Variants in ATP11A observed in about 807,000 individuals in gnomAD.
ATP11A encodes the protein phospholipid-transporting ATPase IH.
In ATP11A, 81 loss-of-function variants were observed where a neutral mutation model predicts 154.4. The ratio of observed to expected loss-of-function variants is 0.52; its 90% CI spans 0.44 to 0.63. ATP11A has a LOEUF of 0.63. Ranked by LOEUF, ATP11A falls within the 30% of genes least tolerant of loss-of-function variation. ATP11A has a pLI of 0.00. For synonymous variants in ATP11A, 623 were observed against 585.9 expected (o/e 1.06, Z -0.91); for missense variants, 1,316 against 1,474.3 (o/e 0.89, Z 1.76).
chr13:112,707,579 T>C (rs995385533), intron 1 of ATP11A, among the ~76,000 whole-genome samples: 1 of 152,108 alleles, frequency 6.6e-6, no homozygotes, highest in Non-Finnish European at 1.5e-5. Context: ...AAGAACTCAA[T>C]GTAGCCATTC....
Position 112,875,852 on chromosome 13 carries a change from G to T in ATP11A, c.3238G>T (p.Val1080Leu). 1 of 1,613,896 alleles carries T rather than the reference G, an allele frequency of 6.2e-7. No homozygotes were observed. The highest frequency in any genetic ancestry group is 8.5e-7 in the Non-Finnish European group (1 of 1,180,030). The change falls in exon 28 of 30, where the codon GTG (valine) becomes TTG (leucine). Residue 1080 changes from valine (V) to leucine (L), a missense_variant. Val to Leu is a conservative substitution (Grantham distance 32, BLOSUM62 1). Coordinates refer to ENST00000375645, the MANE Select transcript of ATP11A (RefSeq NM_015205.3). This position sits in a 1 kb window ranked among gnomAD's most constrained non-coding sequence, Gnocchi z 4.1. ...CAGCGGGCCCGCCTGGCTGGCCATC[G>T]TGCTGCTGGTGACCATCAGCCTCCT... ...LSSGPAWLAIVLLVTISLLPD... is the reference protein window; with the variant it reads ...LSSGPAWLAILLLVTISLLPD...
In ATP11A at chr13:112,857,749, C is replaced by A. The variant is rs1005503285; in HGVS notation, c.2419-69C>A. Reference sequence around the variant, plus strand: ...TAACTTTTCATCTTTGTTATTTCTGCCTAGTGAATGAATAACCTGTTCAGA... The same window carrying A: ...TAACTTTTCATCTTTGTTATTTCTGACTAGTGAATGAATAACCTGTTCAGA... On this transcript the variant is annotated intron_variant, in intron 20 of 29. Transcript: ENST00000375645. 4.8e-6 allele frequency: 6 copies of A among 1,239,798 alleles called. No homozygotes were observed. In the Admixed American group the frequency reaches 7.4e-5, roughly 15 times the overall value. 76.8% of individuals were successfully genotyped at this position (1,239,798 alleles called of 1,614,324 possible).
At chr13:112,881,530 G>A in intron 29 of ATP11A, 4 of 1,132,636 alleles carry the variant, frequency 3.5e-6, no homozygotes, top group Non-Finnish European at 4.4e-6. Flanking sequence ...TATCCCTGGG[G>A]CCCCTGGGTT....
At chr13:112,872,869 CTGTGGCTTTGTCTCCCGAACGGTGTGAGG>C (rs2080570393) in intron 26 of ATP11A, among the ~76,000 whole-genome samples, 2 of 30,724 alleles carry the variant, frequency 6.5e-5, no homozygotes, top group African/African-American at 1.5e-4. Context: ...GCAGTGTGAG[CTGTGGCTTTGTCTCCCGAACGGTGTGAGG>C]TGTGGCTTTG....
At position 112,859,317 on chromosome 13, in the gene ATP11A, G is replaced by C. The variant is rs1263438941; in HGVS notation, c.2668-76G>C. On this transcript the variant is annotated intron_variant, in intron 22 of 29. Transcript: ENST00000375645. The surrounding 1 kb of genome is among the most constrained non-coding windows in gnomAD (Gnocchi z 4.3). ...CACGTGGATCCCTCCTCCCATGTGGGGTGGGCCACGTCGGTAGGTGGCGGC... is the reference window on the plus strand; with the variant it reads ...CACGTGGATCCCTCCTCCCATGTGGCGTGGGCCACGTCGGTAGGTGGCGGC... 2 of 1,193,262 alleles carry C rather than the reference G, an allele frequency of 1.7e-6. No individual in the cohort carries two copies. The highest frequency in any genetic ancestry group is 3.0e-5 in the African/African-American group (2 of 66,090). The allele number at this position is 1,193,262 out of a possible 1,614,324, so 73.9% of individuals were successfully genotyped here.
intron 2 of ATP11A, among the ~76,000 whole-genome samples, chr13:112,790,255 G>A (rs1011231063): frequency 6.6e-6 from 1 of 151,248 alleles, no homozygotes; most frequent in Admixed American, 6.6e-5. Flanking sequence ...ATTCACACCC[G>A]GCATCTTGAC....
intron 5 of ATP11A, 24 bp downstream of exon 5, chr13:112,810,750 C>A: frequency 1.2e-6 from 2 of 1,600,202 alleles, no homozygotes; most frequent in Non-Finnish European, 1.7e-6. Context: ...GACACATTTA[C>A]GCTGGTGAAG....
intron 1 of ATP11A, among the ~76,000 whole-genome samples, chr13:112,722,329 A>G (rs1889301365): frequency 6.6e-6 from 1 of 151,318 alleles, no homozygotes. Context: ...CGGCCAGGGG[A>G]GAGGGTTTCC....
In ATP11A at chr13:112,858,310, C is replaced by T. The variant is rs1245736395; in HGVS notation, c.2667+20C>T. The T allele has an allele frequency of 3.1e-6, 5 of 1,599,718 alleles. No homozygotes were observed. Among genetic ancestry groups the T allele is most frequent in the African/African-American group, 1.3e-5 (1 of 74,660 alleles). On this transcript the variant is annotated intron_variant, in intron 22 of 29. Coordinates refer to ENST00000375645, the MANE Select transcript of ATP11A (RefSeq NM_015205.3). ...TATAAGGTAGGAGGGTCGCCGCTCCCCCTCACGGTGTTAGCAACAGGTCAC... is the reference window on the plus strand; with the variant it reads ...TATAAGGTAGGAGGGTCGCCGCTCCTCCTCACGGTGTTAGCAACAGGTCAC...
chr13:112,871,693 A>C (rs1047179597), intron 25 of ATP11A, 42 bp from the exon 26 acceptor site: 6 of 1,586,506 alleles, frequency 3.8e-6, no homozygotes, highest in Non-Finnish European at 5.2e-6. Context: ...AGAAAAAAAA[A>C]TACATAAAAA....
intron 12 of ATP11A, among the ~76,000 whole-genome samples, chr13:112,829,060 C>T (rs897301559): frequency 3.3e-5 from 5 of 152,232 alleles, no homozygotes; most frequent in East Asian, 1.9e-4. Context: ...AGTGCTATTG[C>T]GCCGTTTCTC....
intron 24 of ATP11A, among the ~76,000 whole-genome samples, chr13:112,861,030 T>C (rs377088834): frequency 6.6e-6 from 1 of 152,162 alleles, no homozygotes; most frequent in Non-Finnish European, 1.5e-5. Flanking sequence ...TCCACATGGC[T>C]GGGGAGGCCT....
intron 1 of ATP11A, among the ~76,000 whole-genome samples, chr13:112,745,282 C>G (rs759933184): frequency 2.6e-5 from 4 of 152,250 alleles, no homozygotes; most frequent in Non-Finnish European, 5.9e-5. Flanking sequence ...CCAGGCTGGT[C>G]TTGAACTCCT....
intron 1 of ATP11A, among the ~76,000 whole-genome samples, chr13:112,691,463 CAAAAA>C (rs34506401): frequency 2.4e-5 from 2 of 84,368 alleles, no homozygotes; most frequent in Non-Finnish European, 4.6e-5. Flanking sequence ...GACTCTGTAT[CAAAAA>C]AAAAAAAAAA....
rs1264858353 is a variant in ATP11A, at chr13:112,753,240, T to C, written c.40-31895T>C. ...CTGTGGACTCAACCTCCCCCGCCCC[T>C]GGCCGCCCCACATCATGGACAGCTG... On this transcript the variant is annotated intron_variant, in intron 1 of 29. Coordinates refer to ENST00000375645, the MANE Select transcript of ATP11A (RefSeq NM_015205.3). The surrounding 1 kb of genome is among the most constrained non-coding windows in gnomAD (Gnocchi z 4.1). Among the ~76,000 whole-genome samples the C allele has an allele frequency of 2.6e-5, 4 of 152,320 alleles. No individual in the cohort carries two copies. Among genetic ancestry groups the C allele is most frequent in the Middle Eastern group, 6.8e-3 (2 of 294 alleles).
chr13:112,766,799 C>A lies in ATP11A; in HGVS notation c.40-18336C>A, dbSNP rs71446913. Among the ~76,000 whole-genome samples, 20 of 10,380 alleles carry A rather than the reference C, an allele frequency of 1.9e-3. 5 individuals carry two copies. The highest frequency in any genetic ancestry group is 0.016 in the South Asian group (2 of 124). The allele number at this position is 10,380 out of a possible 152,430, so 6.8% of individuals were successfully genotyped here. ...GATTCCTGTGAGGAGGATGTGGGGG[C>A]GTTGGGGGCCACTGTGGGAAGGTGG... is the stretch of plus-strand genomic sequence containing the variant. On this transcript the variant is annotated intron_variant, in intron 1 of 29. Coordinates refer to ENST00000375645, the MANE Select transcript of ATP11A (RefSeq NM_015205.3).
At chr13:112,705,945 G>A (rs528641801) in intron 1 of ATP11A, among the ~76,000 whole-genome samples, 3 of 152,246 alleles carry the variant, frequency 2.0e-5, no homozygotes, top group East Asian at 1.9e-4. Flanking sequence ...GTTCCATGGC[G>A]TTAAATACAC....
Position 112,854,541 on chromosome 13 carries a change from CG to C in ATP11A, c.2243+12del. On this transcript the variant is annotated intron_variant, in intron 19 of 29. Transcript: ENST00000375645. ...AGACAACCTGTCCGGGTAGGCAGCGCGTCCCCGCCCCCACCCCCACACTCCC... is the reference window on the plus strand; with the variant it reads ...AGACAACCTGTCCGGGTAGGCAGCGCTCCCCGCCCCCACCCCCACACTCCC... 6.3e-7 allele frequency: 1 copy of C among 1,598,958 alleles called. No homozygotes were observed. Among genetic ancestry groups the C allele is most frequent in the Non-Finnish European group, 8.5e-7 (1 of 1,175,380 alleles).
At chr13:112,873,542 C>G (rs1180197794) in intron 26 of ATP11A, 31 bp from the exon 27 acceptor site, 1 of 1,531,786 alleles carries the variant, frequency 6.5e-7, no homozygotes, top group Non-Finnish European at 8.9e-7. Context: ...TCAGATGACA[C>G]CGTTAACTGC....
Sources: gnomAD v4.1 joint callset for allele counts (sites outside exome capture counted in the v4.1 genomes callset) on GRCh38, gnomAD v4.1.1 for gene constraint, Gnocchi (gnomAD v3.1) non-coding constraint, MANE v1.5 for transcripts, NCBI Gene and HGNC (gene_info 2026-07-23, HGNC 2026-07-21) for gene names.